CACNA1H: variants seen among roughly 807,000 people sequenced by gnomAD.
The protein encoded by CACNA1H is voltage-dependent T-type calcium channel subunit alpha-1H.
Under a neutral mutation model 192.5 loss-of-function variants are expected in CACNA1H, and 149 were observed. The ratio of observed to expected loss-of-function variants is 0.77; its 90% CI spans 0.68 to 0.89. The LOEUF (loss-of-function observed/expected upper bound fraction) is 0.89. Ranked by LOEUF, CACNA1H falls within the 40% of genes least tolerant of loss-of-function variation. The pLI, the probability that CACNA1H is intolerant of heterozygous loss-of-function variation, is 0.00. For synonymous variants in CACNA1H, 2,202 were observed against 1,475.2 expected (o/e 1.49, Z -11.29); for missense variants, 4,257 against 3,423.5 (o/e 1.24, Z -6.08).
chr16:1,201,200 C>T (rs1230727679), intron 8 of CACNA1H, among the ~76,000 whole-genome samples: 1 of 152,128 alleles, frequency 6.6e-6, no homozygotes, highest in Admixed American at 6.5e-5. Context: ...CCTAGGTATA[C>T]CTAGAGCCAC....
At chr16:1,166,572 C>G (rs1344141605) in intron 2 of CACNA1H, among the ~76,000 whole-genome samples, 3 of 152,194 alleles carry the variant, frequency 2.0e-5, no homozygotes, top group Non-Finnish European at 4.4e-5. Context: ...CGATGGGTTC[C>G]AGAATGCTTT....
At chr16:1,195,343 C>T in intron 3 of CACNA1H, 89 bp from the exon 4 acceptor site, 19 of 1,408,008 alleles carry the variant, frequency 1.3e-5, no homozygotes, top group Non-Finnish European at 1.8e-5. Context: ...TGTGGCAAGA[C>T]TGGGGGCCGG....
In CACNA1H at chr16:1,200,419, A is replaced by G. The variant is rs772146375; in HGVS notation, c.967A>G (p.Thr323Ala). The change falls in exon 7 of 35, where the codon ACG becomes GCG. Residue 323 changes from threonine (T) to alanine (A), a missense_variant. Thr to Ala is a moderately conservative substitution (Grantham distance 58, BLOSUM62 0). Coordinates refer to ENST00000348261, the MANE Select transcript of CACNA1H (RefSeq NM_021098.3). ...MPCTLGWEAYTQPQAEGVGAA... is the reference protein window; with the variant it reads ...MPCTLGWEAYAQPQAEGVGAA... ...CTGCACCCTGGGCTGGGAGGCCTAC[A>G]CGCAGCCGCAGGCCGAGGGGGTGGG... The G allele has an allele frequency of 6.2e-7, 1 of 1,609,274 alleles. No homozygotes were observed. Among genetic ancestry groups the G allele is most frequent in the Non-Finnish European group, 8.5e-7 (1 of 1,179,100 alleles).
rs1967384940 is a variant in CACNA1H at position 1,180,387 on chromosome 16, G to A, written c.300-14585G>A. 2.0e-5 allele frequency among the ~76,000 whole-genome samples: 3 copies of A among 152,312 alleles called. No individual in the cohort carries two copies. The South Asian group carries it at 6.2e-4, about 32-fold the overall frequency. ...GCAGGGCAGGCTGGGTGAGGAGGGG[G>A]CACCCCAGGTGTCTGAACCCCAGGT... is the stretch of plus-strand genomic sequence containing the variant. On this transcript the variant is annotated intron_variant, in intron 2 of 34. Coordinates refer to ENST00000348261, the MANE Select transcript of CACNA1H (RefSeq NM_021098.3). This position sits in a 1 kb window ranked among gnomAD's most constrained non-coding sequence, Gnocchi z 4.4.
chr16:1,207,200 A>C, intron 13 of CACNA1H, 75 bp from the exon 14 acceptor site: 1 of 1,552,324 alleles, frequency 6.4e-7, no homozygotes, highest in South Asian at 1.2e-5. Flanking sequence ...GCGCATCCAT[A>C]GCTGCCTCTG....
chr16:1,155,243 G>A (rs1301157732), intron 2 of CACNA1H, among the ~76,000 whole-genome samples: 1 of 152,204 alleles, frequency 6.6e-6, no homozygotes, highest in East Asian at 1.9e-4. Flanking sequence ...GGGGCAGCCG[G>A]CCCCGGCCAG....
chr16:1,185,417 G>A (rs891610534), intron 2 of CACNA1H, among the ~76,000 whole-genome samples: 1 of 151,924 alleles, frequency 6.6e-6, no homozygotes, highest in African/African-American at 2.4e-5. Flanking sequence ...AGACGTGCCC[G>A]GGTGGCAGCT....
Position 1,189,450 on chromosome 16 carries a change from T to C in CACNA1H, c.300-5522T>C, listed in dbSNP as rs1966391316. Among the ~76,000 whole-genome samples the C allele has an allele frequency of 3.8e-5, 5 of 132,378 alleles. No individual in the cohort carries two copies. The Admixed American group carries it at 4.1e-4, about 11-fold the overall frequency. 86.8% of individuals were successfully genotyped at this position (132,378 alleles called of 152,430 possible). A position where few individuals can be genotyped will look rare whatever the true frequency, so the allele number is the denominator to read the frequency against. ...TTTTTTTTTTGATATGGGGTCTTGCTCCGTCACCCAGCCTGGAGTGCAGTG... is the reference window on the plus strand; with the variant it reads ...TTTTTTTTTTGATATGGGGTCTTGCCCCGTCACCCAGCCTGGAGTGCAGTG... On this transcript the variant is annotated intron_variant, in intron 2 of 34. Transcript: ENST00000348261.
At position 1,211,816 on chromosome 16, in the gene CACNA1H, G is replaced by A; in HGVS notation, c.4566+11G>A. The stretch of plus-strand genomic sequence containing the variant: ...GGTGTCGACCAGCAGGTGCGCACAG[G>A]CGGGTCGAGCTGGGTCACCTCAGGG... On this transcript the variant is annotated intron_variant, in intron 24 of 34. Coordinates refer to ENST00000348261, the MANE Select transcript of CACNA1H (RefSeq NM_021098.3). The A allele has an allele frequency of 1.2e-6, 2 of 1,612,014 alleles. No homozygotes were observed. Among genetic ancestry groups the A allele is most frequent in the East Asian group, 4.5e-5 (2 of 44,860 alleles).
chr16:1,209,707 C>G (rs111542218), intron 17 of CACNA1H, among the ~76,000 whole-genome samples: 1 of 152,162 alleles, frequency 6.6e-6, no homozygotes, highest in Non-Finnish European at 1.5e-5. Flanking sequence ...GAGCTGCTGC[C>G]GAGGCAGGGC....
intron 12 of CACNA1H, 54 bp downstream of exon 12, chr16:1,206,343 G>T (rs544632873): frequency 6.6e-7 from 1 of 1,514,120 alleles, no homozygotes; most frequent in South Asian, 1.2e-5. Flanking sequence ...GGGCAGCTGG[G>T]AGGCAAAGGC....
chr16:1,156,510 T>A (rs1235474773), intron 2 of CACNA1H, among the ~76,000 whole-genome samples: 1 of 151,550 alleles, frequency 6.6e-6, no homozygotes, highest in Admixed American at 6.6e-5. Flanking sequence ...TTCCTGGGAG[T>A]TGGGAGGGGG....
At chr16:1,186,761 C>T (rs1966106359) in intron 2 of CACNA1H, among the ~76,000 whole-genome samples, 2 of 152,208 alleles carry the variant, frequency 1.3e-5, no homozygotes, top group Non-Finnish European at 2.9e-5. Flanking sequence ...TGTGCCACGG[C>T]AGTGGAGATA....
chr16:1,165,378 G>A (rs1049027697), intron 2 of CACNA1H, among the ~76,000 whole-genome samples: 1 of 152,180 alleles, frequency 6.6e-6, no homozygotes, highest in Non-Finnish European at 1.5e-5. Flanking sequence ...ACGCTCTTTC[G>A]TGACAGCACA....
At chr16:1,199,845 C>T (rs1181372253) in intron 6 of CACNA1H, among the ~76,000 whole-genome samples, 2 of 152,112 alleles carry the variant, frequency 1.3e-5, no homozygotes, top group Admixed American at 1.3e-4. Context: ...CCCCTCGTCC[C>T]TTGCCCTTTG....
At chr16:1,182,084 C>T (rs529896831) in intron 2 of CACNA1H, among the ~76,000 whole-genome samples, 13 of 152,312 alleles carry the variant, frequency 8.5e-5, no homozygotes, top group South Asian at 2.1e-4. Flanking sequence ...GAGAAGTGGC[C>T]GCCCAGGTGA....
At chr16:1,213,164 C>T (rs1013482104) in intron 26 of CACNA1H, among the ~76,000 whole-genome samples, 36 of 152,350 alleles carry the variant, frequency 2.4e-4, no homozygotes, top group Admixed American at 5.9e-4. Flanking sequence ...TAGACCACAG[C>T]CCATGGCCCC....
At position 1,213,833 on chromosome 16, in the gene CACNA1H, C is replaced by T. The variant is rs1447479819; in HGVS notation, c.4831C>T (p.His1611Tyr). ...CTACTCGCCCACGCGCCGCTCCATTCACTCGCTGTGCACCAGCCACTATCT... is the reference window on the plus strand; with the variant it reads ...CTACTCGCCCACGCGCCGCTCCATTTACTCGCTGTGCACCAGCCACTATCT... The part of the protein sequence containing the change: ...ADYSPTRRSI[H>Y]SLCTSHYLDL... The change falls in exon 27 of 35, where the codon CAC becomes TAC. Residue 1611 changes from histidine (H) to tyrosine (Y), a missense_variant. Physicochemically the swap from His to Tyr is moderately conservative, Grantham distance 83. Coordinates refer to ENST00000348261, the MANE Select transcript of CACNA1H (RefSeq NM_021098.3). 2 of 1,596,896 alleles carry T rather than the reference C, an allele frequency of 1.3e-6. No individual in the cohort carries two copies. The highest frequency in any genetic ancestry group is 1.7e-5 in the Admixed American group (1 of 57,350).
chr16:1,196,161 C>T (rs941105194), intron 5 of CACNA1H, 138 bp downstream of exon 5: 1 of 681,266 alleles, frequency 1.5e-6, no homozygotes, highest in Non-Finnish European at 2.5e-6. Context: ...AGCCCAGACC[C>T]CAGCAGTGGG....
Sources: gnomAD v4.1 joint callset for allele counts (sites outside exome capture counted in the v4.1 genomes callset) on GRCh38, gnomAD v4.1.1 for gene constraint, Gnocchi (gnomAD v3.1) non-coding constraint, MANE v1.5 for transcripts, NCBI Gene and HGNC (gene_info 2026-07-23, HGNC 2026-07-21) for gene names.